AUTS2: variants seen among roughly 807,000 people sequenced by gnomAD.
AUTS2 encodes the protein autism susceptibility gene 2 protein.
AUTS2 carries 17 observed loss-of-function variants against 112.4 expected under a neutral mutation model. That is an observed-to-expected ratio of 0.15 (90% CI 0.10 to 0.23). The LOEUF (loss-of-function observed/expected upper bound fraction) is 0.23, where lower values mean the gene tolerates loss of function less well. AUTS2 is among the 10% of genes least tolerant of loss of function. The pLI is 1.00. For missense variants in AUTS2, 1,510 were observed against 1,701.6 expected (o/e 0.89, Z 1.98); for synonymous variants, 751 against 702.7 (o/e 1.07, Z -1.09).
intron 1 of AUTS2, among the ~76,000 whole-genome samples, chr7:69,861,126 A>G (rs1255736975): frequency 6.6e-6 from 1 of 152,132 alleles, no homozygotes; most frequent in Non-Finnish European, 1.5e-5. Flanking sequence ...TCAAGTTACT[A>G]AAAAAGCAGG....
rs184919713 is a variant in AUTS2, at chr7:69,817,903, G to T, written c.310-81383G>T. 1.5e-3 allele frequency among the ~76,000 whole-genome samples: 236 copies of T among 152,258 alleles called. 2 individuals carry two copies. Among genetic ancestry groups the T allele is most frequent in the East Asian group, 5.8e-4 (3 of 5,174 alleles). ...TGTGTTTATGGTAATGTTTTTTGCT[G>T]ATTTGGTGGGAGATAAAACCTAGAG... On this transcript the variant is annotated intron_variant, in intron 1 of 18. Transcript: ENST00000342771.
intron 5 of AUTS2, among the ~76,000 whole-genome samples, chr7:70,561,255 G>A (rs761043827): frequency 2.2e-4 from 33 of 152,114 alleles, no homozygotes; most frequent in Non-Finnish European, 4.4e-4. Context: ...TGTCACCAAG[G>A]CACTTGCTCC....
chr7:69,705,196 C>T (rs1584104195), intron 1 of AUTS2, among the ~76,000 whole-genome samples: 1 of 152,190 alleles, frequency 6.6e-6, no homozygotes, highest in Non-Finnish European at 1.5e-5. Context: ...TAGACTGTCT[C>T]CTACCCTTTT....
chr7:70,312,093 A>C (rs763421082), intron 4 of AUTS2, among the ~76,000 whole-genome samples: 1 of 152,158 alleles, frequency 6.6e-6, no homozygotes, highest in Non-Finnish European at 1.5e-5. Context: ...TCCTGACTTC[A>C]GGTGATCCAC....
In AUTS2 at chr7:70,792,476, T is replaced by C. The variant is rs1792030400; in HGVS notation, c.*1480T>C. On this transcript the variant is annotated 3_prime_UTR_variant, in exon 19 of 19. Coordinates refer to ENST00000342771, the MANE Select transcript of AUTS2 (RefSeq NM_015570.4). ...ATTAAAGTGCTATCTGACGTTGTTA[T>C]CCTGTTTTTGCAAAAAAAAAAAAAA... 6.9e-6 allele frequency: 1 copy of C among 144,752 alleles called. No individual in the cohort carries two copies. Among genetic ancestry groups the C allele is most frequent in the Non-Finnish European group, 1.5e-5 (1 of 66,746 alleles). The allele number at this position is 144,752 out of a possible 1,614,324, so 9.0% of individuals were successfully genotyped here. A position where few individuals can be genotyped will look rare whatever the true frequency, so the allele number is the denominator to read the frequency against.
At chr7:69,793,751 C>T (rs964440374) in intron 1 of AUTS2, among the ~76,000 whole-genome samples, 2 of 151,980 alleles carry the variant, frequency 1.3e-5, no homozygotes, top group African/African-American at 4.8e-5. Context: ...AATGTTTAAA[C>T]ATTTAAAAAC....
chr7:70,616,882 T>C (rs997719247), intron 5 of AUTS2, among the ~76,000 whole-genome samples: 17 of 150,982 alleles, frequency 1.1e-4, no homozygotes, highest in Admixed American at 9.3e-4. Flanking sequence ...AGTGACAAGA[T>C]TAAGAGCAGA....
At chr7:70,449,044 A>G (rs893779992) in intron 5 of AUTS2, among the ~76,000 whole-genome samples, 10 of 152,218 alleles carry the variant, frequency 6.6e-5, no homozygotes, top group African/African-American at 2.2e-4. Context: ...TGTTTCAAAT[A>G]ACATACATTA....
chr7:70,498,984 G>A (rs1397096027), intron 5 of AUTS2, among the ~76,000 whole-genome samples: 2 of 152,186 alleles, frequency 1.3e-5, no homozygotes, highest in Non-Finnish European at 2.9e-5. Context: ...GGAAGAGGAG[G>A]GCAAGGAGAA....
intron 1 of AUTS2, among the ~76,000 whole-genome samples, chr7:69,683,747 A>C (rs1369887549): frequency 5.3e-5 from 8 of 151,730 alleles, no homozygotes; most frequent in South Asian, 2.1e-4. Context: ...TAAAAAAAAA[A>C]CCAAAAAACA....
intron 4 of AUTS2, among the ~76,000 whole-genome samples, chr7:70,407,443 C>A (rs1286511971): frequency 6.6e-6 from 1 of 152,076 alleles, no homozygotes; most frequent in Admixed American, 6.6e-5. Context: ...TAACAAGAAC[C>A]GGTCGGGAGT....
chr7:70,584,393 G>A lies in AUTS2; in HGVS notation c.691-114176G>A, dbSNP rs114039033. On this transcript the variant is annotated intron_variant, in intron 5 of 18. Coordinates refer to ENST00000342771, the MANE Select transcript of AUTS2 (RefSeq NM_015570.4). ...TGTTTCCCACTGAGGTCTCCGGATCGCTCTGTCATTAGACTGGATTTATTT... is the reference window on the plus strand; with the variant it reads ...TGTTTCCCACTGAGGTCTCCGGATCACTCTGTCATTAGACTGGATTTATTT... Among the ~76,000 whole-genome samples, 1,419 of 152,280 alleles carry A rather than the reference G, an allele frequency of 9.3e-3. 21 individuals carry two copies. The highest frequency in any genetic ancestry group is 0.033 in the African/African-American group (1,357 of 41,548).
intron 5 of AUTS2, among the ~76,000 whole-genome samples, chr7:70,505,362 A>C (rs148800164): frequency 1.8e-4 from 28 of 152,294 alleles, no homozygotes; most frequent in African/African-American, 6.3e-4. Context: ...ACATGAAGTT[A>C]ATATGGGGAA....
intron 5 of AUTS2, among the ~76,000 whole-genome samples, chr7:70,533,814 C>G (rs761289185): frequency 6.6e-6 from 1 of 152,180 alleles, no homozygotes; most frequent in Non-Finnish European, 1.5e-5. Flanking sequence ...GTAATGGCTG[C>G]TGTGTCCTCC....
chr7:70,258,978 C>A (rs141349730), intron 4 of AUTS2, among the ~76,000 whole-genome samples: 2,747 of 152,254 alleles, frequency 0.018, 33 homozygotes, highest in Non-Finnish European at 0.026. Flanking sequence ...ATCGGGCCCT[C>A]CAGAGTCTGG....
At chr7:70,118,501 G>A (rs966111651) in intron 3 of AUTS2, 13 of 279,472 alleles carry the variant, frequency 4.7e-5, no homozygotes, top group African/African-American at 1.1e-4. Flanking sequence ...CAACAAGGCC[G>A]GGCACGGTGG....
chr7:70,655,174 C>T (rs566895970), intron 5 of AUTS2, among the ~76,000 whole-genome samples: 16 of 152,232 alleles, frequency 1.1e-4, no homozygotes, highest in Admixed American at 5.9e-4. Context: ...GAAGCAGCGG[C>T]CCCTGCCCAC....
intron 5 of AUTS2, among the ~76,000 whole-genome samples, chr7:70,617,449 TC>T (rs1804433182): frequency 6.6e-6 from 1 of 152,118 alleles, no homozygotes; most frequent in African/African-American, 2.4e-5. Flanking sequence ...GATCATGAGG[TC>T]AGGAGATCAA....
chr7:69,985,393 G>A (rs1257798499), intron 2 of AUTS2, among the ~76,000 whole-genome samples: 2 of 152,092 alleles, frequency 1.3e-5, no homozygotes, highest in Non-Finnish European at 2.9e-5. Flanking sequence ...TACAAACAAC[G>A]GGGTGGAGTT....
Sources: gnomAD v4.1 joint callset for allele counts (sites outside exome capture counted in the v4.1 genomes callset) on GRCh38, gnomAD v4.1.1 for gene constraint, MANE v1.5 for transcripts, NCBI Gene and HGNC (gene_info 2026-07-23, HGNC 2026-07-21) for gene names.